Variants in CELF4 observed in about 807,000 individuals in gnomAD.
The protein encoded by CELF4 is CUG-BP- and ETR-3-like factor 4.
Under a neutral mutation model 59.9 loss-of-function variants are expected in CELF4, and 18 were observed. The ratio of observed to expected loss-of-function variants is 0.30; its 90% CI spans 0.21 to 0.45. CELF4 has a LOEUF of 0.45. Ranked by LOEUF, CELF4 falls within the 20% of genes least tolerant of loss-of-function variation. The pLI is 1.00. For missense variants in CELF4, 456 were observed against 689.0 expected (o/e 0.66, Z 3.79); for synonymous variants, 261 against 267.1 (o/e 0.98, Z 0.22).
chr18:37,457,563 G>A (rs1193150678), intron 2 of CELF4, among the ~76,000 whole-genome samples: 2 of 152,246 alleles, frequency 1.3e-5, no homozygotes, highest in Non-Finnish European at 2.9e-5. Flanking sequence ...CAGAGATCAA[G>A]GGTCAGCCTG....
chr18:37,374,505 T>C (rs1457237386), intron 2 of CELF4, among the ~76,000 whole-genome samples: 2 of 152,166 alleles, frequency 1.3e-5, no homozygotes, highest in Non-Finnish European at 2.9e-5. Context: ...CACTGCCTGT[T>C]GTGGGTGGCC....
chr18:37,396,342 G>A (rs1313126428), intron 2 of CELF4, among the ~76,000 whole-genome samples: 2 of 152,212 alleles, frequency 1.3e-5, no homozygotes, highest in Non-Finnish European at 2.9e-5. Flanking sequence ...ATGTGTTGCT[G>A]CAAGATGGGA....
chr18:37,328,617 T>G (rs653242), intron 2 of CELF4, among the ~76,000 whole-genome samples: 42,585 of 152,130 alleles, frequency 0.28, 6,051 homozygotes, highest in African/African-American at 0.32. Flanking sequence ...CCCATTCCTG[T>G]GTGGTTTCTG....
intron 2 of CELF4, among the ~76,000 whole-genome samples, chr18:37,344,822 C>A (rs1334718899): frequency 6.6e-6 from 1 of 152,208 alleles, no homozygotes; most frequent in East Asian, 1.9e-4. Context: ...GGGGACACGC[C>A]CTGGCAGCCC....
intron 11 of CELF4, among the ~76,000 whole-genome samples, chr18:37,257,390 A>C (rs565637973): frequency 2.0e-5 from 3 of 152,330 alleles, no homozygotes; most frequent in African/African-American, 7.2e-5. Flanking sequence ...ATAAGGAGAA[A>C]TACCAAAGAG....
chr18:37,438,210 G>C (rs1205047385), intron 2 of CELF4, among the ~76,000 whole-genome samples: 2 of 152,222 alleles, frequency 1.3e-5, no homozygotes, highest in Non-Finnish European at 2.9e-5. Flanking sequence ...TCACTATGCT[G>C]ATGTGGAGAC....
At chr18:37,260,325 C>G (rs1317003895) in intron 10 of CELF4, among the ~76,000 whole-genome samples, 1 of 152,202 alleles carries the variant, frequency 6.6e-6, no homozygotes, top group Non-Finnish European at 1.5e-5. Flanking sequence ...TCAAAATGCT[C>G]AATTTTAACT....
chr18:37,297,116 G>A (rs76476481), intron 3 of CELF4, among the ~76,000 whole-genome samples: 2 of 152,288 alleles, frequency 1.3e-5, no homozygotes, highest in East Asian at 3.9e-4. Context: ...TGAACTGGGA[G>A]GCCAGTGGAA....
intron 1 of CELF4, among the ~76,000 whole-genome samples, chr18:37,529,463 G>A (rs1036952578): frequency 1.3e-5 from 2 of 152,230 alleles, no homozygotes; most frequent in Non-Finnish European, 2.9e-5. Flanking sequence ...GGGAGCTCAC[G>A]GAGGAGCAGG....
intron 2 of CELF4, among the ~76,000 whole-genome samples, chr18:37,334,241 C>T (rs777936007): frequency 2.0e-5 from 3 of 152,202 alleles, no homozygotes; most frequent in Non-Finnish European, 1.5e-5. Context: ...CTGGTACCAG[C>T]GCCCCACTGG....
chr18:37,275,023 G>T, intron 4 of CELF4, 92 bp downstream of exon 4: 3 of 1,548,828 alleles, frequency 1.9e-6, no homozygotes, highest in Non-Finnish European at 2.6e-6. Flanking sequence ...AGAGACAGAC[G>T]GCGATGGCCC....
Position 37,268,516 on chromosome 18 carries a change from C to T in CELF4, c.1100-1918G>A, listed in dbSNP as rs575622686. Among the ~76,000 whole-genome samples, 69 of 152,344 alleles carry T rather than the reference C, an allele frequency of 4.5e-4. 1 individual carries two copies. Among genetic ancestry groups the T allele is most frequent in the Non-Finnish European group, 7.3e-4 (50 of 68,034 alleles). On this transcript the variant is annotated intron_variant, in intron 8 of 12. Transcript: ENST00000420428. ...GCCCTCATGCAAAATATAACCTGCA[C>T]GATTTGCATGGCAGCTGCCAGCACA... is the stretch of plus-strand genomic sequence containing the variant.
At chr18:37,353,752 G>A (rs536905834) in intron 2 of CELF4, among the ~76,000 whole-genome samples, 1 of 141,480 alleles carries the variant, frequency 7.1e-6, no homozygotes, top group Non-Finnish European at 1.5e-5. Context: ...GTGGGGGCGG[G>A]GGGGGCAGTT....
intron 8 of CELF4, among the ~76,000 whole-genome samples, chr18:37,269,991 T>C (rs1448076788): frequency 6.6e-6 from 1 of 152,118 alleles, no homozygotes; most frequent in Non-Finnish European, 1.5e-5. Context: ...GCACTCCACA[T>C]CGGGAGCACA....
intron 2 of CELF4, among the ~76,000 whole-genome samples, chr18:37,373,412 C>T (rs1438481357): frequency 6.6e-6 from 1 of 152,206 alleles, no homozygotes; most frequent in East Asian, 1.9e-4. Flanking sequence ...CCCATCACTA[C>T]CTGAGACCCT....
At chr18:37,299,394 C>A (rs1245715919) in intron 3 of CELF4, among the ~76,000 whole-genome samples, 1 of 152,184 alleles carries the variant, frequency 6.6e-6, no homozygotes, top group Non-Finnish European at 1.5e-5. Context: ...GCCCAGTCAC[C>A]TCTGGGCAGG....
At chr18:37,441,954 C>G (rs8097292) in intron 2 of CELF4, among the ~76,000 whole-genome samples, 3,479 of 132,440 alleles carry the variant, frequency 0.026, 100 homozygotes, top group African/African-American at 0.076. Flanking sequence ...TAGATGACAC[C>G]GTGCGTCACC....
intron 2 of CELF4, among the ~76,000 whole-genome samples, chr18:37,471,359 G>A (rs2099828504): frequency 6.6e-6 from 1 of 152,266 alleles, no homozygotes; most frequent in East Asian, 1.9e-4. Flanking sequence ...TACTCAGGAA[G>A]CTTCATGAGC....
At chr18:37,378,786 T>G (rs1045772979) in intron 2 of CELF4, among the ~76,000 whole-genome samples, 17 of 151,196 alleles carry the variant, frequency 1.1e-4, no homozygotes, top group African/African-American at 3.4e-4. Context: ...GAGGAAGGAG[T>G]AGCTGTGGGG....
Sources: gnomAD v4.1 joint callset for allele counts (sites outside exome capture counted in the v4.1 genomes callset) on GRCh38, gnomAD v4.1.1 for gene constraint, MANE v1.5 for transcripts, NCBI Gene and HGNC (gene_info 2026-07-23, HGNC 2026-07-21) for gene names.